Variants in TNFAIP8L3 observed in about 807,000 individuals in gnomAD.
TNFAIP8L3 encodes tumor necrosis factor alpha-induced protein 8-like protein 3.
In TNFAIP8L3, 7 loss-of-function variants were observed where a neutral mutation model predicts 11.8. The ratio of observed to expected loss-of-function variants is 0.59; its 90% CI spans 0.34 to 1.11. The LOEUF (loss-of-function observed/expected upper bound fraction) is 1.11. Ranked by LOEUF, TNFAIP8L3 falls within the 50% of genes most tolerant of loss-of-function variation. The pLI is 0.03. For missense variants in TNFAIP8L3, 219 were observed against 258.6 expected (o/e 0.85, Z 1.05); for synonymous variants, 98 against 103.8 (o/e 0.94, Z 0.34).
chr15:51,072,638 G>A (rs1184397013), intron 1 of TNFAIP8L3, among the ~76,000 whole-genome samples: 1 of 152,028 alleles, frequency 6.6e-6, no homozygotes, highest in Non-Finnish European at 1.5e-5. Context: ...ATTGCATGAG[G>A]TTGGGAATCT....
intron 1 of TNFAIP8L3, among the ~76,000 whole-genome samples, chr15:51,086,717 A>G (rs1454122293): frequency 3.9e-5 from 6 of 152,218 alleles, no homozygotes; most frequent in Admixed American, 2.0e-4. Context: ...TATAAGGATC[A>G]ACTACCATAT....
chr15:51,093,591 G>A (rs533887567), intron 1 of TNFAIP8L3, among the ~76,000 whole-genome samples: 2 of 152,160 alleles, frequency 1.3e-5, no homozygotes, highest in Non-Finnish European at 2.9e-5. Flanking sequence ...CCAGGGCCGC[G>A]GTCTGTACAG....
At chr15:51,102,558 C>A (rs970699643) in intron 1 of TNFAIP8L3, among the ~76,000 whole-genome samples, 1 of 152,194 alleles carries the variant, frequency 6.6e-6, no homozygotes. Context: ...CATCTACACC[C>A]AGTCGAGGGC....
chr15:51,069,973 A>G (rs1259221078), intron 1 of TNFAIP8L3, among the ~76,000 whole-genome samples: 3 of 152,184 alleles, frequency 2.0e-5, no homozygotes. Flanking sequence ...GGGGAGTTGT[A>G]TTTCATCACT....
upstream of TNFAIP8L3, among the ~76,000 whole-genome samples, chr15:51,099,623 A>C (rs2065536779): frequency 6.6e-6 from 1 of 151,984 alleles, no homozygotes; most frequent in Non-Finnish European, 1.5e-5. Flanking sequence ...TGTGGCATTC[A>C]TTTTGGCTAT....
intron 1 of TNFAIP8L3, among the ~76,000 whole-genome samples, chr15:51,079,855 C>CAAAAAAAAAAAAAAAAAAAAAA (rs10602536): frequency 4.1e-4 from 32 of 77,558 alleles, no homozygotes; most frequent in Admixed American, 7.8e-4. Flanking sequence ...GACTTTGTCT[C>CAAAAAAAAAAAAAAAAAAAAAA]AAAAAAAAAA....
chr15:51,092,978 T>C (rs2065482913), intron 1 of TNFAIP8L3, among the ~76,000 whole-genome samples: 1 of 152,192 alleles, frequency 6.6e-6, no homozygotes, highest in African/African-American at 2.4e-5. Flanking sequence ...TCTTAGGATT[T>C]TGAGAGAGTT....
chr15:51,085,579 A>G (rs893634384), intron 1 of TNFAIP8L3, among the ~76,000 whole-genome samples: 1 of 152,044 alleles, frequency 6.6e-6, no homozygotes, highest in African/African-American at 2.4e-5. Flanking sequence ...GAAAAACAGC[A>G]AAAGTCCTTT....
chr15:51,086,232 A>C (rs953947164), intron 1 of TNFAIP8L3, among the ~76,000 whole-genome samples: 2 of 152,192 alleles, frequency 1.3e-5, no homozygotes, highest in African/African-American at 4.8e-5. Flanking sequence ...CTCTCTCACC[A>C]GGCCCATGTG....
Position 51,094,419 on chromosome 15 carries a change from GC to G in TNFAIP8L3, c.52+124del. The stretch of plus-strand genomic sequence containing the variant: ...CCCCAAAGCAAACTCACGACGCGGA[GC>G]AATCCCCAGTCTTGGCCTGGAAGGG... On this transcript the variant is annotated intron_variant, in intron 1 of 1. Transcript: ENST00000637513. This position sits in a 1 kb window ranked among gnomAD's most constrained non-coding sequence, Gnocchi z 4.4. 3 of 1,141,830 alleles carry G rather than the reference GC, an allele frequency of 2.6e-6. No individual in the cohort carries two copies. The highest frequency in any genetic ancestry group is 3.4e-6 in the Non-Finnish European group (3 of 892,754). 70.7% of individuals were successfully genotyped at this position (1,141,830 alleles called of 1,614,324 possible).
intron 1 of TNFAIP8L3, among the ~76,000 whole-genome samples, chr15:51,081,932 T>A (rs1244387621): frequency 6.6e-6 from 1 of 152,090 alleles, no homozygotes; most frequent in East Asian, 1.9e-4. Context: ...CCTTTTAAAA[T>A]CACAGTGGTC....
At chr15:51,098,677 G>C (rs1334170160), upstream of TNFAIP8L3, among the ~76,000 whole-genome samples, 1 of 152,196 alleles carries the variant, frequency 6.6e-6, no homozygotes, top group African/African-American at 2.4e-5. Context: ...AAACAAAAAA[G>C]AATATAAATT....
intron 1 of TNFAIP8L3, among the ~76,000 whole-genome samples, chr15:51,086,878 T>A (rs1411038929): frequency 6.6e-6 from 1 of 151,916 alleles, no homozygotes; most frequent in African/African-American, 2.4e-5. Context: ...TTTCTCATCT[T>A]GTTTTGCTAC....
intron 1 of TNFAIP8L3, among the ~76,000 whole-genome samples, chr15:51,101,265 C>T (rs1254691187): frequency 6.6e-6 from 1 of 152,206 alleles, no homozygotes; most frequent in African/African-American, 2.4e-5. Context: ...ACCTCACTAT[C>T]CTCTGTTTGG....
intron 1 of TNFAIP8L3, among the ~76,000 whole-genome samples, chr15:51,080,673 C>A (rs1485976013): frequency 6.6e-6 from 1 of 152,210 alleles, no homozygotes; most frequent in Non-Finnish European, 1.5e-5. Context: ...GAGAAAAAGG[C>A]AAAATAGAGG....
At chr15:51,097,433 G>A (rs150406602), upstream of TNFAIP8L3, among the ~76,000 whole-genome samples, 3,836 of 152,260 alleles carry the variant, frequency 0.025, 91 homozygotes, top group Middle Eastern at 0.095. Context: ...ACTGGTCAAG[G>A]TATCCTGAAA....
intron 1 of TNFAIP8L3, among the ~76,000 whole-genome samples, chr15:51,064,198 T>C (rs948406307): frequency 9.9e-5 from 15 of 152,212 alleles, no homozygotes; most frequent in Admixed American, 2.0e-4. Flanking sequence ...ACAAGCTCCC[T>C]AAGTGATTCT....
At chr15:51,089,951 A>T (rs1221125200) in intron 1 of TNFAIP8L3, among the ~76,000 whole-genome samples, 1 of 152,242 alleles carries the variant, frequency 6.6e-6, no homozygotes, top group African/African-American at 2.4e-5. Flanking sequence ...ATTTATCTTC[A>T]ATCTGTCAGT....
chr15:51,083,296 G>A (rs552265868), intron 1 of TNFAIP8L3, among the ~76,000 whole-genome samples: 17 of 152,176 alleles, frequency 1.1e-4, no homozygotes, highest in African/African-American at 3.9e-4. Flanking sequence ...TTTTTGGAAC[G>A]ATGGACTGAC....
Sources: gnomAD v4.1 joint callset for allele counts (sites outside exome capture counted in the v4.1 genomes callset) on GRCh38, gnomAD v4.1.1 for gene constraint, Gnocchi (gnomAD v3.1) non-coding constraint, MANE v1.5 for transcripts, NCBI Gene and HGNC (gene_info 2026-07-23, HGNC 2026-07-21) for gene names.